FIRRM: variants seen among roughly 807,000 people sequenced by gnomAD.
FIRRM encodes FIGNL1 interacting regulator of recombination and mitosis.
At chr1:169,853,803 A>C in the FIRRM span, 1 of 1,600,768 alleles carries the variant, frequency 6.2e-7, no homozygotes, top group East Asian at 2.2e-5. Flanking sequence ...CCAAGAACCC[A>C]CTGAAACAAA....
At chr1:169,798,341 C>T in the FIRRM span, among the ~76,000 whole-genome samples, 1 of 151,214 alleles carries the variant, frequency 6.6e-6, no homozygotes, top group African/African-American at 2.4e-5. Flanking sequence ...GATCTTGGCT[C>T]ACTGCAACCT....
chr1:169,808,614 T>C, the FIRRM span, among the ~76,000 whole-genome samples: 42 of 151,458 alleles, frequency 2.8e-4, no homozygotes, highest in Non-Finnish European at 5.6e-4. Context: ...ATTTGTTTTT[T>C]TTTTTTTTGA....
At chr1:169,811,010 C>T in the FIRRM span, among the ~76,000 whole-genome samples, 1 of 151,488 alleles carries the variant, frequency 6.6e-6, no homozygotes, top group Non-Finnish European at 1.5e-5. Context: ...CAGGCGCCTG[C>T]CACCGCGCCC....
At chr1:169,847,340 A>T in the FIRRM span, among the ~76,000 whole-genome samples, 1 of 135,138 alleles carries the variant, frequency 7.4e-6, no homozygotes, top group Non-Finnish European at 1.6e-5. Context: ...AAAAAAAAAA[A>T]GCAGTATCTT....
the FIRRM span, chr1:169,830,613 A>C: frequency 7.5e-7 from 1 of 1,325,750 alleles, no homozygotes. Flanking sequence ...CCTCATCAGA[A>C]TATTTAGTGC....
At chr1:169,800,129 G>A in the FIRRM span, among the ~76,000 whole-genome samples, 2 of 152,172 alleles carry the variant, frequency 1.3e-5, no homozygotes, top group Non-Finnish European at 2.9e-5. Flanking sequence ...CATCTCCCAC[G>A]CTCAAGCAAT....
At chr1:169,796,100 G>A in the FIRRM span, 2 of 432,572 alleles carry the variant, frequency 4.6e-6, no homozygotes, top group Non-Finnish European at 6.2e-6. Context: ...CACAAATATT[G>A]TGCAGCTAAA....
At chr1:169,827,173 T>C in the FIRRM span, 7 of 1,613,516 alleles carry the variant, frequency 4.3e-6, no homozygotes, top group East Asian at 6.7e-5. Flanking sequence ...CAGCCTTTCA[T>C]GCAGGTGGTT....
the FIRRM span, among the ~76,000 whole-genome samples, chr1:169,810,110 A>G: frequency 3.3e-5 from 5 of 152,122 alleles, no homozygotes; most frequent in South Asian, 6.2e-4. Flanking sequence ...AACCTCTTTT[A>G]TAAGGGCACT....
chr1:169,793,461 G>C, the FIRRM span: 1 of 1,614,224 alleles, frequency 6.2e-7, no homozygotes, highest in Non-Finnish European at 8.5e-7. Flanking sequence ...GCTGCACTGA[G>C]TGGACTGTCT....
the FIRRM span, chr1:169,794,900 G>A: frequency 1.8e-6 from 1 of 566,030 alleles, no homozygotes; most frequent in Non-Finnish European, 3.2e-6. Context: ...CCTAAATCGC[G>A]CACCAGTGAG....
chr1:169,794,148 A>C, the FIRRM span, among the ~76,000 whole-genome samples: 1 of 152,036 alleles, frequency 6.6e-6, no homozygotes, highest in Non-Finnish European at 1.5e-5. Flanking sequence ...AACCACCACC[A>C]CTACCACCTG....
At chr1:169,853,919 A>C in the FIRRM span, 1 of 862,160 alleles carries the variant, frequency 1.2e-6, no homozygotes, top group Admixed American at 2.6e-5. Flanking sequence ...TAGAGCTCTA[A>C]CAGAAAGTTG....
chr1:169,793,872 G>A, the FIRRM span: 3 of 465,396 alleles, frequency 6.4e-6, no homozygotes, highest in Non-Finnish European at 1.1e-5. Context: ...CTTTTTAGAC[G>A]TCTTTGGTCC....
At chr1:169,800,092 C>G in the FIRRM span, among the ~76,000 whole-genome samples, 1 of 152,088 alleles carries the variant, frequency 6.6e-6, no homozygotes, top group East Asian at 1.9e-4. Flanking sequence ...TGTAGTGGTG[C>G]GAACATAGCT....
At chr1:169,795,251 G>C in the FIRRM span, 1 of 1,526,000 alleles carries the variant, frequency 6.6e-7, no homozygotes, top group Non-Finnish European at 8.8e-7. Context: ...CTAGAGAAGG[G>C]TGTGGGCGGG....
chr1:169,804,922 A>G, the FIRRM span, among the ~76,000 whole-genome samples: 2 of 152,196 alleles, frequency 1.3e-5, no homozygotes, highest in Non-Finnish European at 1.5e-5. Context: ...ACCTCAGGTA[A>G]TCCACCTGCC....
chr1:169,848,412 G>C, the FIRRM span, among the ~76,000 whole-genome samples: 1 of 152,144 alleles, frequency 6.6e-6, no homozygotes, highest in Non-Finnish European at 1.5e-5. Flanking sequence ...AGTAATTCTA[G>C]TAATTGACAC....
chr1:169,798,371 G>A, the FIRRM span, among the ~76,000 whole-genome samples: 1 of 151,584 alleles, frequency 6.6e-6, no homozygotes, highest in Non-Finnish European at 1.5e-5. Context: ...AGTTTCAAGT[G>A]ATTCTCCTGC....
Sources: gnomAD v4.1 joint callset for allele counts (sites outside exome capture counted in the v4.1 genomes callset) on GRCh38, gnomAD v4.1.1 for gene constraint, MANE v1.5 for transcripts, NCBI Gene and HGNC (gene_info 2026-07-23, HGNC 2026-07-21) for gene names.